The following ROBO2 variants were observed in gnomAD, a reference collection of about 807,000 sequenced individuals.
ROBO2 encodes the protein roundabout guidance receptor 2.
Under a neutral mutation model 160.8 loss-of-function variants are expected in ROBO2, and 53 were observed. That is an observed-to-expected ratio of 0.33 (90% CI 0.26 to 0.41). ROBO2 has a LOEUF of 0.41. Among genes scored for constraint, ROBO2 ranks in the 10% least tolerant of loss-of-function variants. The pLI is 1.00. For synonymous variants in ROBO2, 664 were observed against 611.7 expected (o/e 1.09, Z -1.26); for missense variants, 1,577 against 1,722.4 (o/e 0.92, Z 1.49).
At chr3:77,040,029 C>A in exon 1 of ROBO2, 1 of 872,834 alleles carries the variant, frequency 1.1e-6, no homozygotes, top group Non-Finnish European at 1.4e-6. Flanking sequence ...GGGGTGTCTG[C>A]AGCCTCGGCC....
intron 2 of ROBO2, among the ~76,000 whole-genome samples, chr3:77,149,037 T>TA (rs1181134161): frequency 9.2e-6 from 1 of 108,896 alleles, no homozygotes; most frequent in East Asian, 2.1e-4. Flanking sequence ...AAAGTAAATT[T>TA]TTTTTTTTTT....
intron 20 of ROBO2, 153 bp downstream of exon 21, chr3:77,602,644 T>C (rs2094451326): frequency 1.1e-6 from 1 of 904,730 alleles, no homozygotes; most frequent in Non-Finnish European, 1.7e-6. Context: ...ACTTGAGTAA[T>C]TCCTACCACC....
chr3:76,915,688 G>GA (rs1269674598), intron 2 of ROBO2, among the ~76,000 whole-genome samples: 147 of 133,530 alleles, frequency 1.1e-3, no homozygotes, highest in African/African-American at 3.9e-3. Flanking sequence ...AAAAAAAAAA[G>GA]AAAAAAAAAG....
chr3:77,504,302 G>C (rs1305744911), intron 5 of ROBO2, among the ~76,000 whole-genome samples: 1 of 152,034 alleles, frequency 6.6e-6, no homozygotes, highest in Admixed American at 6.6e-5. Flanking sequence ...AAGATGATCT[G>C]GTTGGGTATG....
chr3:76,371,805 A>G (rs1460671867), intron 2 of ROBO2, among the ~76,000 whole-genome samples: 4 of 151,924 alleles, frequency 2.6e-5, no homozygotes, highest in Admixed American at 6.6e-5. Context: ...TATTAAATTT[A>G]CTAAGGAATT....
intron 2 of ROBO2, among the ~76,000 whole-genome samples, chr3:76,769,741 CCT>C (rs1448926119): frequency 6.6e-6 from 1 of 151,288 alleles, no homozygotes; most frequent in East Asian, 2.0e-4. Flanking sequence ...AAAATTCACC[CCT>C]GATGTTTCAG....
chr3:77,583,794 G>A (rs1342204685), intron 16 of ROBO2, among the ~76,000 whole-genome samples: 1 of 152,106 alleles, frequency 6.6e-6, no homozygotes, highest in Admixed American at 6.5e-5. Context: ...TTTGAAGCAT[G>A]TTTGTGTCCT....
intron 2 of ROBO2, among the ~76,000 whole-genome samples, chr3:76,693,165 C>A (rs140095900): frequency 0.029 from 4,159 of 144,742 alleles, 158 homozygotes; most frequent in African/African-American, 0.088. Flanking sequence ...GTCTCTCTCT[C>A]TATATATAGT....
chr3:76,422,874 G>A (rs965302195), intron 2 of ROBO2, among the ~76,000 whole-genome samples: 1 of 152,048 alleles, frequency 6.6e-6, no homozygotes, highest in Non-Finnish European at 1.5e-5. Flanking sequence ...AAGGGGTCAT[G>A]GTAAAGAAAA....
intron 2 of ROBO2, among the ~76,000 whole-genome samples, chr3:75,963,181 TTTTA>T (rs761153603): frequency 6.6e-6 from 1 of 151,662 alleles, no homozygotes; most frequent in Admixed American, 6.6e-5. Context: ...TTTTATCTAT[TTTTA>T]TTTATTTATT....
At chr3:77,138,379 G>A (rs936796821) in intron 2 of ROBO2, among the ~76,000 whole-genome samples, 3 of 152,214 alleles carry the variant, frequency 2.0e-5, no homozygotes, top group East Asian at 1.9e-4. Flanking sequence ...TCTGATTTAC[G>A]GATTTTTTTC....
At chr3:76,640,536 AAAT>A (rs2090605400) in intron 2 of ROBO2, among the ~76,000 whole-genome samples, 1 of 97,972 alleles carries the variant, frequency 1.0e-5, no homozygotes, top group Non-Finnish European at 2.0e-5. Context: ...TCCGTCTCAA[AAAT>A]AATAAATAAA....
At chr3:76,146,882 A>G (rs2071924901) in intron 2 of ROBO2, among the ~76,000 whole-genome samples, 1 of 150,186 alleles carries the variant, frequency 6.7e-6, no homozygotes, top group African/African-American at 2.4e-5. Context: ...ACACTCACAC[A>G]CACACAAACA....
intron 2 of ROBO2, among the ~76,000 whole-genome samples, chr3:76,940,172 C>T (rs572165857): frequency 6.6e-6 from 1 of 151,890 alleles, no homozygotes; most frequent in Non-Finnish European, 1.5e-5. Flanking sequence ...TTAGTAGAGA[C>T]GGGGTTTCAC....
At chr3:77,608,093 T>C (rs1325693882) in intron 21 of ROBO2, 139 bp downstream of exon 22, 2 of 761,620 alleles carry the variant, frequency 2.6e-6, no homozygotes, top group Non-Finnish European at 4.5e-6. Context: ...CCCTCTTTCA[T>C]TGTTTGCACT....
At position 76,782,670 on chromosome 3, in the gene ROBO2, T is replaced by G. The variant is rs144200543; in HGVS notation, c.110-315344T>G. The stretch of plus-strand genomic sequence containing the variant: ...ATTTTACAGTTTTTGACTTAAAATC[T>G]ACTTCATCTCATATATATATAACCA... On this transcript the variant is annotated intron_variant, in intron 2 of 26. Coordinates refer to the ROBO2 transcript ENST00000487694. Among the ~76,000 whole-genome samples the G allele has an allele frequency of 6.7e-3, 1,015 of 150,906 alleles. 13 individuals carry two copies. Among genetic ancestry groups the G allele is most frequent in the Non-Finnish European group, 7.1e-3 (474 of 67,132 alleles).
At chr3:77,062,206 C>T (rs2066394801) in intron 1 of ROBO2, among the ~76,000 whole-genome samples, 1 of 152,108 alleles carries the variant, frequency 6.6e-6, no homozygotes, top group Admixed American at 6.6e-5. Context: ...TCACCCATTT[C>T]TCTAGAAAAG....
At chr3:76,716,345 G>A (rs1384296740) in intron 2 of ROBO2, among the ~76,000 whole-genome samples, 1 of 152,020 alleles carries the variant, frequency 6.6e-6, no homozygotes, top group Non-Finnish European at 1.5e-5. Flanking sequence ...CCCCCCAAAA[G>A]AAGAAAAAAT....
At chr3:77,099,024 G>A (rs1190878598) in intron 2 of ROBO2, among the ~76,000 whole-genome samples, 3 of 151,256 alleles carry the variant, frequency 2.0e-5, no homozygotes, top group Non-Finnish European at 2.9e-5. Context: ...ATAGCTCATG[G>A]GCCTGTGTCT....
Sources: gnomAD v4.1 joint callset for allele counts (sites outside exome capture counted in the v4.1 genomes callset) on GRCh38, gnomAD v4.1.1 for gene constraint, MANE v1.5 for transcripts, NCBI Gene and HGNC (gene_info 2026-07-23, HGNC 2026-07-21) for gene names.